ATP9B: variants seen among roughly 807,000 people sequenced by gnomAD.
ATP9B encodes the protein ATPase phospholipid transporting 9B.
A neutral mutation model predicts 146.1 loss-of-function variants in ATP9B; 110 were observed. The observed-to-expected ratio is 0.75, with a 90% CI of 0.65 to 0.88. The LOEUF is 0.88. ATP9B is among the 40% of genes least tolerant of loss of function. The probability of loss-of-function intolerance (pLI) is 0.00; values close to 1 mark genes in which losing one functional copy is unlikely to be tolerated. For missense variants in ATP9B, 1,499 were observed against 1,496.4 expected, an observed-to-expected ratio of 1.00 and a Z score of -0.03; for synonymous variants, 604 against 569.7, an observed-to-expected ratio of 1.06 and a Z score of -0.86.
At chr18:79,162,982 C>G (rs1012138546) in intron 7 of ATP9B, among the ~76,000 whole-genome samples, 1 of 152,164 alleles carries the variant, frequency 6.6e-6, no homozygotes, top group Non-Finnish European at 1.5e-5. Context: ...TGACTCTTGT[C>G]AGTTGTATAA....
chr18:79,307,212 A>G lies in ATP9B; in HGVS notation c.1751A>G (p.Tyr584Cys). 6.2e-7 allele frequency: 1 copy of G among 1,614,238 alleles called. No individual in the cohort carries two copies. The highest frequency in any genetic ancestry group is 8.5e-7 in the Non-Finnish European group (1 of 1,180,030). Residue 584 changes from tyrosine to cysteine, a missense_variant, in exon 15 of 30, where the codon TAC (tyrosine) becomes TGC (cysteine). Tyr to Cys is a radical substitution (Grantham distance 194). Transcript: ENST00000426216. ...DQDFSDENRT[Y>C]QASSPDEVAL... ...GACTTCAGTGATGAGAATCGCACCT[A>G]CCAGGCTTCCAGCCCGGATGAGGTC...
chr18:79,352,736 A>C (rs1034125069), intron 25 of ATP9B: 10 of 152,232 alleles, frequency 6.6e-5, no homozygotes, highest in African/African-American at 2.2e-4. Flanking sequence ...GAGGAGGGCC[A>C]GGCTCTGGTG....
At chr18:79,219,647 G>A (rs111708584) in intron 11 of ATP9B, among the ~76,000 whole-genome samples, 2,943 of 152,080 alleles carry the variant, frequency 0.019, 42 homozygotes, top group Middle Eastern at 0.044. Context: ...CACTCTTTCT[G>A]TCTCCCTCCC....
chr18:79,363,415 C>T (rs2097002834), intron 26 of ATP9B: 1 of 152,282 alleles, frequency 6.6e-6, no homozygotes, highest in Non-Finnish European at 1.5e-5. Context: ...GAATGGGAGG[C>T]ATAAACAGAT....
At chr18:79,300,597 G>A (rs1368473372) in intron 13 of ATP9B, among the ~76,000 whole-genome samples, 28 of 152,186 alleles carry the variant, frequency 1.8e-4, no homozygotes, top group Admixed American at 1.8e-3. Flanking sequence ...GCCCGGGGCT[G>A]CGGGGCCGTG....
chr18:79,083,188 C>T (rs935440693), intron 1 of ATP9B, among the ~76,000 whole-genome samples: 7 of 152,172 alleles, frequency 4.6e-5, no homozygotes, highest in African/African-American at 1.7e-4. Flanking sequence ...GACTTCCCAG[C>T]GGCTTTGTTT....
At chr18:79,131,660 T>C (rs923719647) in intron 5 of ATP9B, among the ~76,000 whole-genome samples, 2 of 152,234 alleles carry the variant, frequency 1.3e-5, no homozygotes, top group Non-Finnish European at 2.9e-5. Flanking sequence ...CCAGTGTTTA[T>C]TTAGTGTTTA....
intron 8 of ATP9B, among the ~76,000 whole-genome samples, chr18:79,187,787 C>T (rs1409652135): frequency 1.3e-5 from 2 of 152,056 alleles, no homozygotes; most frequent in Non-Finnish European, 2.9e-5. Context: ...TCAAGGAACT[C>T]AGAGCAATTT....
chr18:79,271,849 C>A (rs557034770), intron 12 of ATP9B, among the ~76,000 whole-genome samples: 41 of 152,094 alleles, frequency 2.7e-4, no homozygotes, highest in African/African-American at 9.9e-4. Flanking sequence ...GTTTACAGTC[C>A]CACCAACAGT....
In ATP9B at chr18:79,375,407, G is replaced by A. The variant is rs749075397; in HGVS notation, c.3288G>A (p.Val1096=). Residue 1096 remains valine, a synonymous_variant, in exon 29 of 30, where the codon GTG becomes GTA. Coordinates refer to ENST00000426216, the MANE Select transcript of ATP9B (RefSeq NM_198531.5). ...GTTTTGGAACAGGTATAGGCAGAGT[G>A]TCTTTTGGAGCTTTCTTAGGTAGGT... ...FLNEYFGIGR[V]SFGAFLDVAF... 3.7e-6 allele frequency: 6 copies of A among 1,612,888 alleles called. No homozygotes were observed. Among genetic ancestry groups the A allele is most frequent in the Non-Finnish European group, 5.1e-6 (6 of 1,178,918 alleles).
intron 3 of ATP9B, among the ~76,000 whole-genome samples, chr18:79,112,937 A>G (rs761263709): frequency 1.4e-4 from 21 of 152,182 alleles, no homozygotes; most frequent in Admixed American, 3.9e-4. Flanking sequence ...ATGAGTATGG[A>G]AAACTGGAAA....
intron 1 of ATP9B, among the ~76,000 whole-genome samples, chr18:79,073,051 T>TCCTCCCATCCCAGATGATGGGCCG (rs545923318): frequency 2.0e-3 from 300 of 149,494 alleles, no homozygotes; most frequent in African/African-American, 7.3e-3. Context: ...GCAGAGGAGC[T>TCCTCCCATCCCAGATGATGGGCCG]CCTCCCATCC....
intron 8 of ATP9B, among the ~76,000 whole-genome samples, chr18:79,192,708 A>G (rs1003708466): frequency 1.3e-5 from 2 of 152,226 alleles, no homozygotes; most frequent in Non-Finnish European, 2.9e-5. Context: ...GCATGTCTTC[A>G]TGGCTGTAAG....
At chr18:79,092,822 T>C (rs988550441) in intron 1 of ATP9B, among the ~76,000 whole-genome samples, 2 of 152,100 alleles carry the variant, frequency 1.3e-5, no homozygotes, top group Non-Finnish European at 2.9e-5. Context: ...GGATACCTCC[T>C]GAAGGACCTG....
At chr18:79,194,767 C>T (rs1229176478) in intron 9 of ATP9B, among the ~76,000 whole-genome samples, 1 of 152,062 alleles carries the variant, frequency 6.6e-6, no homozygotes, top group Non-Finnish European at 1.5e-5. Context: ...ATACTGTGAA[C>T]TTCAATTTAC....
chr18:79,175,597 G>C (rs72996110), intron 7 of ATP9B, among the ~76,000 whole-genome samples: 134 of 152,210 alleles, frequency 8.8e-4, no homozygotes, highest in Non-Finnish European at 1.5e-3. Context: ...GCATGCATGC[G>C]TACATAGGTA....
intron 11 of ATP9B, 85 bp downstream of exon 11, chr18:79,214,123 C>A (rs1215838400): frequency 4.5e-6 from 4 of 897,616 alleles, no homozygotes; most frequent in Non-Finnish European, 6.5e-6. Flanking sequence ...ATAGCTCATT[C>A]TTTTGGCTTA....
At chr18:79,136,484 G>C (rs1056394655) in intron 5 of ATP9B, among the ~76,000 whole-genome samples, 2 of 151,964 alleles carry the variant, frequency 1.3e-5, no homozygotes, top group Admixed American at 6.6e-5. Flanking sequence ...TTGAATCTGT[G>C]GGATATAAGT....
At chr18:79,124,241 ATCT>A (rs1294456601) in intron 4 of ATP9B, among the ~76,000 whole-genome samples, 2 of 152,228 alleles carry the variant, frequency 1.3e-5, no homozygotes, top group African/African-American at 2.4e-5. Flanking sequence ...GATGATGGAA[ATCT>A]TCTAAAATTA....
Sources: allele counts gnomAD v4.1 joint callset (sites outside exome capture counted in the v4.1 genomes callset), GRCh38; gene constraint gnomAD v4.1.1; transcripts MANE v1.5; gene names NCBI Gene and HGNC (gene_info 2026-07-23, HGNC 2026-07-21).